HSD17B3: variants seen among roughly 807,000 people sequenced by gnomAD.
HSD17B3 encodes 17-beta-hydroxysteroid dehydrogenase type 3.
HSD17B3 carries 29 observed loss-of-function variants against 41.1 expected under a neutral mutation model. The ratio of observed to expected loss-of-function variants is 0.71; its 90% CI spans 0.53 to 0.96. The LOEUF (loss-of-function observed/expected upper bound fraction) is 0.96. Among genes scored for constraint, HSD17B3 ranks in the 40% least tolerant of loss-of-function variants. The probability of loss-of-function intolerance (pLI) is 0.00; values close to 1 mark genes in which losing one functional copy is unlikely to be tolerated. For synonymous variants in HSD17B3, 126 were observed against 145.6 expected, an observed-to-expected ratio of 0.87 and a Z score of 0.97; for missense variants, 323 against 374.6, an observed-to-expected ratio of 0.86 and a Z score of 1.14.
At chr9:96,299,315 C>T (rs1053088493) in intron 1 of HSD17B3, among the ~76,000 whole-genome samples, 6 of 152,148 alleles carry the variant, frequency 3.9e-5, no homozygotes, top group Admixed American at 6.5e-5. Context: ...ACAAGCCTCA[C>T]GGACCACACT....
At chr9:96,256,100 T>C (rs747315413) in intron 2 of HSD17B3, 1 of 152,198 alleles carries the variant, frequency 6.6e-6, no homozygotes, top group Non-Finnish European at 1.5e-5. Context: ...ACATTTGAAT[T>C]AGTGACAAAG....
At chr9:96,244,894 A>G (rs991456664) in intron 8 of HSD17B3, among the ~76,000 whole-genome samples, 1 of 152,106 alleles carries the variant, frequency 6.6e-6, no homozygotes, top group Non-Finnish European at 1.5e-5. Flanking sequence ...CCGGTCTGGG[A>G]AGAGGACCTC....
At chr9:96,238,778 G>A (rs1228294918) in intron 10 of HSD17B3, among the ~76,000 whole-genome samples, 2 of 152,232 alleles carry the variant, frequency 1.3e-5, no homozygotes, top group Non-Finnish European at 1.5e-5. Flanking sequence ...CCTAGGCTGG[G>A]GGCTGAAGGA....
chr9:96,272,405 C>CTCTCTCTCTCTCTATA (rs1239816824), intron 2 of HSD17B3, among the ~76,000 whole-genome samples: 5 of 21,530 alleles, frequency 2.3e-4, no homozygotes, highest in Admixed American at 6.4e-4. Flanking sequence ...CTCTCTCTCT[C>CTCTCTCTCTCTCTATA]TATATATATA....
At chr9:96,247,706 A>T (rs530836256) in intron 6 of HSD17B3, among the ~76,000 whole-genome samples, 20 of 152,332 alleles carry the variant, frequency 1.3e-4, no homozygotes, top group African/African-American at 4.8e-4. Flanking sequence ...CATTGCCTCG[A>T]AGCCTCCCGA....
chr9:96,298,556 G>A (rs925646880), intron 1 of HSD17B3, 94 bp from the exon 2 acceptor site: 1 of 1,039,584 alleles, frequency 9.6e-7, no homozygotes, highest in Non-Finnish European at 1.5e-6. Flanking sequence ...AGTCTCCAGG[G>A]CAGTCAGTAC....
intron 2 of HSD17B3, among the ~76,000 whole-genome samples, chr9:96,257,177 T>C (rs117506457): frequency 0.021 from 3,123 of 152,246 alleles, 58 homozygotes; most frequent in South Asian, 0.077. Context: ...TCTTTATAAA[T>C]TACCCAATCT....
chr9:96,240,228 TTAAAG>T (rs1050893978), intron 10 of HSD17B3, among the ~76,000 whole-genome samples: 52 of 152,224 alleles, frequency 3.4e-4, no homozygotes, highest in African/African-American at 1.2e-3. Context: ...ATCCTGGAAC[TTAAAG>T]TAAAATAAAA....
chr9:96,281,157 CATCT>C (rs1174448191), intron 2 of HSD17B3, among the ~76,000 whole-genome samples: 2 of 152,086 alleles, frequency 1.3e-5, no homozygotes, highest in African/African-American at 2.4e-5. Flanking sequence ...TTTCCTGTAA[CATCT>C]TTCTGGTGAC....
chr9:96,242,003 A>AAGAAAG (rs1554692386), intron 9 of HSD17B3, among the ~76,000 whole-genome samples: 35 of 135,560 alleles, frequency 2.6e-4, no homozygotes, highest in South Asian at 1.5e-3. Flanking sequence ...GAAAGAAAGA[A>AAGAAAG]AGAGAAAGAA....
At chr9:96,276,080 T>G (rs1461005566) in intron 2 of HSD17B3, among the ~76,000 whole-genome samples, 93 of 117,928 alleles carry the variant, frequency 7.9e-4, no homozygotes, top group African/African-American at 3.1e-3. Flanking sequence ...CACTCCAACC[T>G]GGGTGACAGA....
At chr9:96,239,385 C>T (rs755313215) in intron 10 of HSD17B3, 1 of 152,154 alleles carries the variant, frequency 6.6e-6, no homozygotes, top group African/African-American at 2.4e-5. Context: ...ATTGGACATT[C>T]GATGAATTTT....
chr9:96,246,380 C>G lies in HSD17B3; in HGVS notation c.524+176G>C. On this transcript the variant is annotated intron_variant, in intron 7 of 10. Transcript: ENST00000375263. Reference sequence around the variant, plus strand: ...CACATGAGCTTGTCTGTCTGCAGAGCTGGCCTGGCCCAGAACGTTATGTTT... The same window carrying G: ...CACATGAGCTTGTCTGTCTGCAGAGGTGGCCTGGCCCAGAACGTTATGTTT... The G allele has an allele frequency of 4.4e-6, 3 of 677,440 alleles. No individual in the cohort carries two copies. In the South Asian group the frequency reaches 5.1e-5, roughly 11 times the overall value. The allele number at this position is 677,440 out of a possible 1,614,324, so 42.0% of individuals were successfully genotyped here. A position where few individuals can be genotyped will look rare whatever the true frequency, so the allele number is the denominator to read the frequency against.
chr9:96,238,555 A>T (rs1196619570), intron 10 of HSD17B3, among the ~76,000 whole-genome samples: 1 of 152,208 alleles, frequency 6.6e-6, no homozygotes, highest in Non-Finnish European at 1.5e-5. Flanking sequence ...CCAGCTACTC[A>T]GAAGGCTGAG....
rs1200151086 is a variant in HSD17B3, at chr9:96,249,738, A to G, written c.489+13T>C. On this transcript the variant is annotated intron_variant, in intron 6 of 10. Transcript: ENST00000375263. ...ACATGTTAATGCATTTCGCACATAT[A>G]TTGATCACATACCTTGACTACGGAG... 1 of 1,613,488 alleles carries G rather than the reference A, an allele frequency of 6.2e-7. No individual in the cohort carries two copies. Among genetic ancestry groups the G allele is most frequent in the African/African-American group, 1.3e-5 (1 of 75,046 alleles).
chr9:96,245,287 C>T, intron 8 of HSD17B3, 58 bp downstream of exon 8: 3 of 1,347,690 alleles, frequency 2.2e-6, no homozygotes, highest in Middle Eastern at 1.8e-4. Flanking sequence ...AAGGAAATTG[C>T]CAACTGGGAG....
At chr9:96,241,802 G>A (rs571443146) in intron 9 of HSD17B3, among the ~76,000 whole-genome samples, 1 of 152,048 alleles carries the variant, frequency 6.6e-6, no homozygotes, top group African/African-American at 2.4e-5. Flanking sequence ...AGGCACGGTG[G>A]CACATGCCTG....
chr9:96,301,804 C>A (rs1450476843), intron 1 of HSD17B3, 147 bp downstream of exon 1: 1 of 818,142 alleles, frequency 1.2e-6, no homozygotes, highest in Non-Finnish European at 2.0e-6. Flanking sequence ...TTGCTTAAAC[C>A]CGGGAAGCGG....
At chr9:96,249,097 G>A (rs369486560) in intron 6 of HSD17B3, among the ~76,000 whole-genome samples, 23 of 152,224 alleles carry the variant, frequency 1.5e-4, no homozygotes, top group African/African-American at 5.5e-4. Flanking sequence ...AGTAGAGACA[G>A]GGTTTCACCA....
Sources: gnomAD v4.1 joint callset for allele counts (sites outside exome capture counted in the v4.1 genomes callset) on GRCh38, gnomAD v4.1.1 for gene constraint, MANE v1.5 for transcripts, NCBI Gene and HGNC (gene_info 2026-07-23, HGNC 2026-07-21) for gene names.